Variants in ZNF560 observed in about 807,000 individuals in gnomAD.
ZNF560 encodes zinc finger protein 560.
Under a neutral mutation model 81.8 loss-of-function variants are expected in ZNF560, and 54 were observed. That is an observed-to-expected ratio of 0.66 (90% confidence interval 0.53 to 0.83). The LOEUF is 0.83. ZNF560 is among the 40% of genes least tolerant of loss of function. The pLI is 0.00. For synonymous variants in ZNF560, 321 were observed against 317.9 expected (o/e 1.01, Z -0.10); for missense variants, 940 against 932.4 (o/e 1.01, Z -0.11).
intron 3 of ZNF560, among the ~76,000 whole-genome samples, chr19:9,475,080 A>AT (rs2073179994): frequency 6.6e-6 from 1 of 152,116 alleles, no homozygotes; most frequent in African/African-American, 2.4e-5. Flanking sequence ...AAATTAATTA[A>AT]CAATTACTGA....
chr19:9,497,079 G>A (rs1031680828), intron 2 of ZNF560, among the ~76,000 whole-genome samples: 1 of 151,282 alleles, frequency 6.6e-6, no homozygotes, highest in Admixed American at 6.6e-5. Context: ...TCATGCCACC[G>A]CACTCCAGCC....
upstream of ZNF560, among the ~76,000 whole-genome samples, chr19:9,499,368 A>G (rs2073611983): frequency 6.6e-6 from 1 of 151,832 alleles, no homozygotes; most frequent in Admixed American, 6.6e-5. Flanking sequence ...CATCATTATT[A>G]TTATTTTGTA....
rs201622607 is a variant in ZNF560 at position 9,466,596 on chromosome 19, A to G, written c.2351T>C (p.Ile784Thr). 2 of 1,604,736 alleles carry G rather than the reference A, an allele frequency of 1.2e-6. No individual in the cohort carries two copies. Among genetic ancestry groups the G allele is most frequent in the Non-Finnish European group, 1.7e-6 (2 of 1,174,388 alleles). Reference sequence around the variant, plus strand: ...TCTCTAGTGTGTTTTCAAATGTGCAATACGAGCTGAGAAAGAAGCAAAGGC... The same window carrying G: ...TCTCTAGTGTGTTTTCAAATGTGCAGTACGAGCTGAGAAAGAAGCAAAGGC... ...GKAFASFSAR[I>T]AHLKTH Residue 784 changes from isoleucine to threonine, a missense_variant, in exon 10 of 10, where the codon ATT (isoleucine) becomes ACT (threonine). Coordinates refer to ENST00000301480, the MANE Select transcript of ZNF560 (RefSeq NM_152476.3).
At chr19:9,472,342 T>C (rs1487182343) in intron 5 of ZNF560, among the ~76,000 whole-genome samples, 1 of 152,088 alleles carries the variant, frequency 6.6e-6, no homozygotes, top group Non-Finnish European at 1.5e-5. Context: ...AGTCTCCAAC[T>C]CCGGAGCCAT....
chr19:9,460,979 T>A, the ZNF560 span, among the ~76,000 whole-genome samples: 1 of 152,126 alleles, frequency 6.6e-6, no homozygotes, highest in Non-Finnish European at 1.5e-5. Context: ...ATGGTAAAAA[T>A]GATAAGAAGT....
intron 5 of ZNF560, 77 bp from the exon 6 acceptor site, chr19:9,471,455 C>A (rs1481305269): frequency 7.7e-6 from 7 of 904,098 alleles, no homozygotes; most frequent in South Asian, 4.4e-5. Context: ...AAATTATAGG[C>A]CTCATTCATA....
downstream of ZNF560, among the ~76,000 whole-genome samples, chr19:9,465,255 T>C (rs112879289): frequency 0.15 from 23,199 of 151,790 alleles, 2,583 homozygotes; most frequent in African/African-American, 0.31. Context: ...CTCAGGCTCT[T>C]GAGTAGCTGG....
At position 9,498,557 on chromosome 19, in the gene ZNF560, A is replaced by G. The variant is rs1202465781; in HGVS notation, c.-164T>C. The G allele has an allele frequency of 6.6e-6, 1 of 152,304 alleles. No homozygotes were observed. Among genetic ancestry groups the G allele is most frequent in the Non-Finnish European group, 1.5e-5 (1 of 68,082 alleles). The allele number at this position is 152,304 out of a possible 1,614,324, so 9.4% of individuals were successfully genotyped here. A position where few individuals can be genotyped will look rare whatever the true frequency, so the allele number is the denominator to read the frequency against. ...CCTCACCAAAGTAGTGAACGACCAG[A>G]CAACACAAAGGAAAAAGTGGCTCTG... On this transcript the variant is annotated 5_prime_UTR_variant, in exon 1 of 10. Coordinates refer to ENST00000301480, the MANE Select transcript of ZNF560 (RefSeq NM_152476.3).
intron 7 of ZNF560, 88 bp downstream of exon 7, chr19:9,470,304 G>T: frequency 1.3e-6 from 2 of 1,507,118 alleles, no homozygotes; most frequent in South Asian, 1.3e-5. Flanking sequence ...ACTGTATTCA[G>T]ATTTGACATC....
At chr19:9,477,460 T>C (rs1156837705) in intron 2 of ZNF560, among the ~76,000 whole-genome samples, 1 of 152,196 alleles carries the variant, frequency 6.6e-6, no homozygotes, top group African/African-American at 2.4e-5. Context: ...TGTGCTATTC[T>C]ACTTTTGACT....
intron 2 of ZNF560, among the ~76,000 whole-genome samples, chr19:9,482,517 T>A (rs1055004837): frequency 4.5e-4 from 68 of 151,804 alleles, no homozygotes; most frequent in Non-Finnish European, 8.4e-4. Flanking sequence ...CACAAACCTG[T>A]AGTCCTAGCT....
chr19:9,487,027 T>A (rs1380753186), intron 2 of ZNF560, among the ~76,000 whole-genome samples: 1 of 151,216 alleles, frequency 6.6e-6, no homozygotes, highest in Non-Finnish European at 1.5e-5. Context: ...TTCCTTTGTT[T>A]TCCCTTGTCT....
the ZNF560 span, among the ~76,000 whole-genome samples, chr19:9,454,067 G>T: frequency 6.6e-6 from 1 of 152,180 alleles, no homozygotes; most frequent in Non-Finnish European, 1.5e-5. Context: ...CACCCAGGGC[G>T]GAAAACTTCT....
upstream of ZNF560, among the ~76,000 whole-genome samples, chr19:9,501,156 CTTTTTTTTTTTT>C (rs759618635): frequency 9.4e-6 from 1 of 106,368 alleles, no homozygotes; most frequent in South Asian, 3.2e-4. Context: ...TTCTCTTTAG[CTTTTTTTTTTTT>C]TTTTTTTTTG....
intron 2 of ZNF560, among the ~76,000 whole-genome samples, chr19:9,495,900 A>T (rs1033490198): frequency 6.6e-6 from 1 of 152,206 alleles, no homozygotes; most frequent in African/African-American, 2.4e-5. Context: ...GAAAAAACAA[A>T]CAAAAAACAA....
At chr19:9,493,387 C>T (rs189580463) in intron 2 of ZNF560, among the ~76,000 whole-genome samples, 28 of 152,312 alleles carry the variant, frequency 1.8e-4, no homozygotes, top group African/African-American at 4.1e-4. Flanking sequence ...TTTTTTGAGA[C>T]GGAATCTCAC....
the ZNF560 span, among the ~76,000 whole-genome samples, chr19:9,448,574 C>A: frequency 1.3e-5 from 2 of 151,770 alleles, no homozygotes; most frequent in African/African-American, 4.8e-5. Context: ...AAGAATGATA[C>A]CTGCTACCAC....
chr19:9,480,344 T>C (rs2073267157), intron 2 of ZNF560, among the ~76,000 whole-genome samples: 1 of 152,006 alleles, frequency 6.6e-6, no homozygotes, highest in Non-Finnish European at 1.5e-5. Context: ...GGAAGAAAAT[T>C]AGAAAATTCA....
intron 2 of ZNF560, among the ~76,000 whole-genome samples, chr19:9,480,883 C>T (rs917470217): frequency 6.6e-5 from 10 of 151,946 alleles, no homozygotes; most frequent in African/African-American, 1.2e-4. Flanking sequence ...CTCAGGAATT[C>T]GAGACCAGCC....
Sources: gnomAD v4.1 joint callset for allele counts (sites outside exome capture counted in the v4.1 genomes callset) on GRCh38, gnomAD v4.1.1 for gene constraint, MANE v1.5 for transcripts, NCBI Gene and HGNC (gene_info 2026-07-23, HGNC 2026-07-21) for gene names.